Variants in CALB2 observed in about 807,000 individuals in gnomAD.
The protein encoded by CALB2 is calbindin 2.
Under a neutral mutation model 45.9 loss-of-function variants are expected in CALB2, and 34 were observed. The ratio of observed to expected loss-of-function variants is 0.74; its 90% CI spans 0.56 to 0.99. The LOEUF is 0.99. Ranked by LOEUF, CALB2 falls within the 50% of genes least tolerant of loss-of-function variation. The pLI, the probability that CALB2 is intolerant of heterozygous loss-of-function variation, is 0.00. For synonymous variants in CALB2, 142 were observed against 129.6 expected (o/e 1.10, Z -0.65); for missense variants, 344 against 339.3 (o/e 1.01, Z -0.11).
Position 71,372,243 on chromosome 16 carries a change from T to C in CALB2, c.171+14T>C. 6.3e-7 allele frequency: 1 copy of C among 1,596,926 alleles called. No individual in the cohort carries two copies. Among genetic ancestry groups the C allele is most frequent in the Non-Finnish European group, 8.6e-7 (1 of 1,167,474 alleles). ...GGCTCTGGCATGGTAAGCCCAGCCC[T>C]GTCTCCGATTGTGTGGGATTTTCCT... On this transcript the variant is annotated intron_variant, in intron 2 of 10. Coordinates refer to ENST00000302628, the MANE Select transcript of CALB2 (RefSeq NM_001740.5).
intron 1 of CALB2, among the ~76,000 whole-genome samples, chr16:71,368,251 G>A (rs1486452581): frequency 2.6e-5 from 4 of 152,190 alleles, no homozygotes; most frequent in African/African-American, 4.8e-5. Flanking sequence ...GTCCAGGCAC[G>A]GTGGCTCACG....
intron 1 of CALB2, among the ~76,000 whole-genome samples, chr16:71,359,969 T>C (rs1194405040): frequency 6.6e-6 from 1 of 152,194 alleles, no homozygotes; most frequent in Non-Finnish European, 1.5e-5. Flanking sequence ...ACAGATGCTG[T>C]CTCCAGAAGA....
intron 1 of CALB2, among the ~76,000 whole-genome samples, chr16:71,369,573 C>T (rs532340889): frequency 6.6e-6 from 1 of 152,182 alleles, no homozygotes; most frequent in Non-Finnish European, 1.5e-5. Context: ...CAGCCACCTC[C>T]CGATACACTC....
chr16:71,368,749 A>G (rs2042314246), intron 1 of CALB2, among the ~76,000 whole-genome samples: 1 of 152,082 alleles, frequency 6.6e-6, no homozygotes, highest in African/African-American at 2.4e-5. Context: ...CAACCCACAC[A>G]GGTCTTACCC....
Position 71,384,847 on chromosome 16 carries a change from G to A in CALB2, c.627+11G>A. The A allele has an allele frequency of 3.1e-6, 5 of 1,611,840 alleles. No homozygotes were observed. Among genetic ancestry groups the A allele is most frequent in the Non-Finnish European group, 4.2e-6 (5 of 1,178,424 alleles). On this transcript the variant is annotated intron_variant, in intron 9 of 10. Coordinates refer to ENST00000302628, the MANE Select transcript of CALB2 (RefSeq NM_001740.5). ...ACATTTTACGACAAGGTAAGAGAGG[G>A]AGTTGGCATGGCAGGGAAAATCAGA...
intron 3 of CALB2, among the ~76,000 whole-genome samples, chr16:71,375,698 G>A (rs1436763405): frequency 6.6e-6 from 1 of 152,210 alleles, no homozygotes; most frequent in African/African-American, 2.4e-5. Flanking sequence ...TCCAGAGAAG[G>A]GCAGCAGGAA....
chr16:71,390,008 G>C lies in CALB2; in HGVS notation c.*143G>C. 1 of 625,922 alleles carries C rather than the reference G, an allele frequency of 1.6e-6. No homozygotes were observed. Among genetic ancestry groups the C allele is most frequent in the East Asian group, 2.7e-5 (1 of 37,574 alleles). The allele number at this position is 625,922 out of a possible 1,614,324, so 38.8% of individuals were successfully genotyped here. ...CCTGCCTGCAGAGCAGGAAATGAGA[G>C]ATAGAGGATGGGCAGCTGGGGGGCT... On this transcript the variant is annotated 3_prime_UTR_variant, in exon 11 of 11. Coordinates refer to ENST00000302628, the MANE Select transcript of CALB2 (RefSeq NM_001740.5).
chr16:71,369,460 CAG>C (rs1197761597), intron 1 of CALB2, among the ~76,000 whole-genome samples: 1 of 152,178 alleles, frequency 6.6e-6, no homozygotes, highest in Admixed American at 6.5e-5. Flanking sequence ...TGGTGCAAAA[CAG>C]GGCTCCACAG....
Position 71,390,193 on chromosome 16 carries a change from T to C in CALB2, c.*328T>C. The C allele has an allele frequency of 4.4e-6, 1 of 229,732 alleles. No homozygotes were observed. The highest frequency in any genetic ancestry group is 8.7e-6 in the Non-Finnish European group (1 of 115,520). The allele number at this position is 229,732 out of a possible 1,614,324, so 14.2% of individuals were successfully genotyped here. ...ATTTAGGCTTCTATGTCCAACAGAGTGGACTCTTCCCTCTCGCTCCCCTCT... is the reference window on the plus strand; with the variant it reads ...ATTTAGGCTTCTATGTCCAACAGAGCGGACTCTTCCCTCTCGCTCCCCTCT... On this transcript the variant is annotated 3_prime_UTR_variant, in exon 11 of 11. Coordinates refer to ENST00000302628, the MANE Select transcript of CALB2 (RefSeq NM_001740.5).
At chr16:71,388,819 TAA>T (rs35230835) in intron 10 of CALB2, among the ~76,000 whole-genome samples, 40 of 133,132 alleles carry the variant, frequency 3.0e-4, no homozygotes, top group Admixed American at 5.1e-4. Context: ...CCGTCTCTAC[TAA>T]AAAAAAAAAA....
intron 10 of CALB2, chr16:71,389,422 G>A (rs1380449259): frequency 4.1e-6 from 2 of 483,252 alleles, no homozygotes; most frequent in Non-Finnish European, 8.2e-6. Flanking sequence ...AGTGCTTGCT[G>A]ATGTGGCTTA....
intron 4 of CALB2, among the ~76,000 whole-genome samples, chr16:71,380,252 G>A (rs1346545395): frequency 6.9e-6 from 1 of 145,038 alleles, no homozygotes; most frequent in Non-Finnish European, 1.5e-5. Context: ...GCAGCTGACA[G>A]GATTTCTTTC....
chr16:71,372,335 C>G (rs2042361996), intron 2 of CALB2, 106 bp downstream of exon 2: 3 of 719,886 alleles, frequency 4.2e-6, no homozygotes, highest in South Asian at 3.7e-5. Flanking sequence ...TATCGCTGGT[C>G]TTGACACAGC....
intron 8 of CALB2, 49 bp from the exon 9 acceptor site, chr16:71,384,728 CCACACA>C (rs1280266481): frequency 2.2e-6 from 2 of 930,076 alleles, no homozygotes; most frequent in Non-Finnish European, 2.8e-6. Flanking sequence ...AAACGCACAC[CCACACA>C]CACACCACTG....
At chr16:71,376,430 C>T (rs573146599) in intron 3 of CALB2, among the ~76,000 whole-genome samples, 3 of 152,196 alleles carry the variant, frequency 2.0e-5, no homozygotes, top group Admixed American at 6.5e-5. Context: ...CATCCTCAGG[C>T]GGCTAGCAAG....
chr16:71,361,480 T>TC (rs1369131214), intron 1 of CALB2, among the ~76,000 whole-genome samples: 7 of 152,232 alleles, frequency 4.6e-5, no homozygotes, highest in Admixed American at 2.0e-4. Flanking sequence ...TGGGGTTTCT[T>TC]CCCAATTCTA....
intron 4 of CALB2, among the ~76,000 whole-genome samples, chr16:71,378,212 G>C (rs1275351282): frequency 6.6e-6 from 1 of 152,006 alleles, no homozygotes; most frequent in Admixed American, 6.5e-5. Flanking sequence ...GTGACAGAGA[G>C]AGACTCCGTC....
In CALB2 at chr16:71,383,954, T is replaced by C. The variant is rs1286988251; in HGVS notation, c.478-16T>C. The C allele has an allele frequency of 1.2e-6, 2 of 1,613,710 alleles. No homozygotes were observed. The highest frequency in any genetic ancestry group is 1.1e-5 in the South Asian group (1 of 91,084). ...ATTCACAGCAAATAACCCAGGCACC[T>C]TTCTGTCCCCAACAGCTACGGATGT... On this transcript the variant is annotated splice_polypyrimidine_tract_variant and intron_variant, in intron 6 of 10. Coordinates refer to ENST00000302628, the MANE Select transcript of CALB2 (RefSeq NM_001740.5).
chr16:71,385,658 C>G lies in CALB2; in HGVS notation c.699+10C>G. ...CGAGAAAAACAAAAAGGTGAGCAGCCAAGCCTGAGGCCCGGCCACTGTCCC... is the reference window on the plus strand; with the variant it reads ...CGAGAAAAACAAAAAGGTGAGCAGCGAAGCCTGAGGCCCGGCCACTGTCCC... On this transcript the variant is annotated intron_variant, in intron 10 of 10. Transcript: ENST00000302628. The G allele has an allele frequency of 1.2e-6, 2 of 1,612,608 alleles. No homozygotes were observed. Among genetic ancestry groups the G allele is most frequent in the Non-Finnish European group, 8.5e-7 (1 of 1,179,120 alleles).
Sources: gnomAD v4.1 joint callset for allele counts (sites outside exome capture counted in the v4.1 genomes callset) on GRCh38, gnomAD v4.1.1 for gene constraint, MANE v1.5 for transcripts, NCBI Gene and HGNC (gene_info 2026-07-23, HGNC 2026-07-21) for gene names.